The following CCDC88C variants were observed in gnomAD, a reference collection of about 807,000 sequenced individuals.
The protein encoded by CCDC88C is protein Daple.
In CCDC88C, 131 loss-of-function variants were observed where a neutral mutation model predicts 198.8. That is an observed-to-expected ratio of 0.66 (90% CI 0.57 to 0.76). The LOEUF (loss-of-function observed/expected upper bound fraction) is 0.76, where lower values mean the gene tolerates loss of function less well. Among genes scored for constraint, CCDC88C ranks in the 30% least tolerant of loss-of-function variants. The probability of loss-of-function intolerance (pLI) is 0.00; values close to 1 mark genes in which losing one functional copy is unlikely to be tolerated. For synonymous variants in CCDC88C, 1,166 were observed against 1,114.7 expected (o/e 1.05, Z -0.92); for missense variants, 2,553 against 2,631.6 (o/e 0.97, Z 0.65).
intron 10 of CCDC88C, among the ~76,000 whole-genome samples, chr14:91,327,558 G>A (rs763895822): frequency 2.1e-4 from 32 of 152,174 alleles, no homozygotes; most frequent in Admixed American, 6.5e-5. Context: ...TCAAAGCCAC[G>A]AACCTAGTGA....
Position 91,310,101 on chromosome 14 carries a change from T to C in CCDC88C, c.2737-115A>G, listed in dbSNP as rs539703112. The C allele has an allele frequency of 1.5e-4, 163 of 1,097,614 alleles. No individual in the cohort carries two copies. In the African/African-American group the frequency reaches 2.3e-3, roughly 16 times the overall value. 68.0% of individuals were successfully genotyped at this position (1,097,614 alleles called of 1,614,324 possible). On this transcript the variant is annotated intron_variant, in intron 15 of 29. Transcript: ENST00000389857. Reference sequence around the variant, plus strand: ...TCCTCCCGGGCCACGGCTGCCTCCGTGTGGAGCGAGGGGACTCTGAACCCC... The same window carrying C: ...TCCTCCCGGGCCACGGCTGCCTCCGCGTGGAGCGAGGGGACTCTGAACCCC...
intron 24 of CCDC88C, 77 bp from the exon 25 acceptor site, chr14:91,289,420 G>T: frequency 1.6e-6 from 2 of 1,277,146 alleles, no homozygotes; most frequent in Admixed American, 3.4e-5. Context: ...CCTAACATGG[G>T]CTGGGATGTT....
chr14:91,339,769 C>T lies in CCDC88C; in HGVS notation c.624+115G>A, dbSNP rs1009174731. ...CCAGGGAAAGCACGCACGTCCCACC[C>T]CCACCAGAACCTCAGCAGCAGGACC... is the stretch of plus-strand genomic sequence containing the variant. On this transcript the variant is annotated intron_variant, in intron 7 of 29. Transcript: ENST00000389857. The surrounding 1 kb of genome is among the most constrained non-coding windows in gnomAD (Gnocchi z 5.8). 7.1e-6 allele frequency: 9 copies of T among 1,275,044 alleles called. No homozygotes were observed. The highest frequency in any genetic ancestry group is 1.5e-5 in the African/African-American group (1 of 66,576). 79.0% of individuals were successfully genotyped at this position (1,275,044 alleles called of 1,614,324 possible).
At chr14:91,329,224 C>T (rs747955675) in intron 10 of CCDC88C, among the ~76,000 whole-genome samples, 4 of 152,238 alleles carry the variant, frequency 2.6e-5, no homozygotes, top group South Asian at 2.1e-4. Flanking sequence ...TTAAACCAAA[C>T]GGCAGGTCTG....
At chr14:91,316,166 C>G (rs1892086264) in intron 13 of CCDC88C, among the ~76,000 whole-genome samples, 1 of 152,174 alleles carries the variant, frequency 6.6e-6, no homozygotes, top group African/African-American at 2.4e-5. Context: ...TGTTATATCT[C>G]TTCCTCTTTC....
intron 12 of CCDC88C, among the ~76,000 whole-genome samples, 166 bp downstream of exon 12, chr14:91,324,613 T>G (rs547535547): frequency 6.6e-6 from 1 of 152,372 alleles, no homozygotes; most frequent in Non-Finnish European, 1.5e-5. Context: ...GTGTCTTCCC[T>G]GGGGAGAACT....
chr14:91,327,668 C>G (rs1892634778), intron 10 of CCDC88C, among the ~76,000 whole-genome samples: 1 of 152,196 alleles, frequency 6.6e-6, no homozygotes, highest in Non-Finnish European at 1.5e-5. Context: ...GGGTGAGAGG[C>G]CCCTGTTGTA....
rs1166332076 is a variant in CCDC88C, at chr14:91,273,016, A to G, written c.5696T>C (p.Leu1899Pro). The stretch of plus-strand genomic sequence containing the variant: ...GGCGGGGGCTGTGGCAGACTGATGC[A>G]GGGGGGCCAGCCTCTCCTCCTTTGG... ...APPKEERLAP[L>P]HQSATAPAIA... Residue 1899 changes from leucine to proline, a missense_variant, in exon 30 of 30, where the codon CTG becomes CCG. Around this residue, in one of 2 missense-constraint regions of CCDC88C, gnomAD observed 1,293 missense variants for 1,219.6 expected, o/e 1.06. Transcript: ENST00000389857. This position sits in a 1 kb window ranked among gnomAD's most constrained non-coding sequence, Gnocchi z 5.6. 1 of 1,553,786 alleles carries G rather than the reference A, an allele frequency of 6.4e-7. No individual in the cohort carries two copies. Among genetic ancestry groups the G allele is most frequent in the East Asian group, 2.4e-5 (1 of 41,954 alleles).
At chr14:91,398,265 C>T (rs1019066972) in intron 3 of CCDC88C, among the ~76,000 whole-genome samples, 5 of 152,216 alleles carry the variant, frequency 3.3e-5, no homozygotes, top group Admixed American at 2.6e-4. Flanking sequence ...CTTACAGAAA[C>T]CAAATCTGCC....
At chr14:91,378,170 T>C (rs911288399) in intron 3 of CCDC88C, among the ~76,000 whole-genome samples, 2 of 152,038 alleles carry the variant, frequency 1.3e-5, no homozygotes, top group African/African-American at 2.4e-5. Context: ...GTGACACAGA[T>C]AGGAAACAGT....
intron 1 of CCDC88C, chr14:91,417,154 C>CATCCATT (rs1887106499): frequency 1.4e-6 from 1 of 703,044 alleles, no homozygotes; most frequent in Admixed American, 2.0e-5. Context: ...TAAATCAGTG[C>CATCCATT]GCCCACCCCA....
chr14:91,343,717 T>C (rs1375680683), intron 4 of CCDC88C, 60 bp from the exon 5 acceptor site: 7 of 1,604,894 alleles, frequency 4.4e-6, no homozygotes, highest in Non-Finnish European at 6.0e-6. Context: ...TTCAGTGACA[T>C]GTTTACCGTA....
Position 91,288,769 on chromosome 14 carries a change from T to C in CCDC88C, c.4441+336A>G, listed in dbSNP as rs2139740877. 5.1e-6 allele frequency: 1 copy of C among 196,384 alleles called. No homozygotes were observed. Among genetic ancestry groups the C allele is most frequent in the East Asian group, 1.2e-4 (1 of 8,456 alleles). 12.2% of individuals were successfully genotyped at this position (196,384 alleles called of 1,614,324 possible). A position where few individuals can be genotyped will look rare whatever the true frequency, so the allele number is the denominator to read the frequency against. ...AATACAAAAAATTAGCCAGGCGTGG[T>C]GGTGGGCGCCTATAATCCCAGCTAC... On this transcript the variant is annotated intron_variant, in intron 25 of 29. Coordinates refer to ENST00000389857, the MANE Select transcript of CCDC88C (RefSeq NM_001080414.4). This position sits in a 1 kb window ranked among gnomAD's most constrained non-coding sequence, Gnocchi z 4.2.
chr14:91,312,642 GCAA>G (rs1359695300), intron 15 of CCDC88C, among the ~76,000 whole-genome samples: 1 of 152,000 alleles, frequency 6.6e-6, no homozygotes, highest in East Asian at 1.9e-4. Context: ...CCGAGATCAC[GCAA>G]CAACACTCCA....
Position 91,275,884 on chromosome 14 carries a change from C to T in CCDC88C, c.5058+2038G>A, listed in dbSNP as rs1438825922. The stretch of plus-strand genomic sequence containing the variant: ...TCGCCCAGGCTGGAGTGCAGTGGCG[C>T]GATCTCGACTCACTGCAAGCTCCGC... On this transcript the variant is annotated intron_variant, in intron 29 of 29. Transcript: ENST00000389857. Among the ~76,000 whole-genome samples, 5 of 137,162 alleles carry T rather than the reference C, an allele frequency of 3.6e-5. No individual in the cohort carries two copies. In the East Asian group the frequency reaches 6.5e-4, roughly 18 times the overall value. 90.0% of individuals were successfully genotyped at this position (137,162 alleles called of 152,430 possible).
At chr14:91,380,295 G>A (rs761829525) in intron 3 of CCDC88C, among the ~76,000 whole-genome samples, 9 of 152,216 alleles carry the variant, frequency 5.9e-5, no homozygotes, top group East Asian at 1.9e-4. Context: ...AAGCACACCA[G>A]TGTTCAGCTA....
At chr14:91,380,071 G>C (rs571379461) in intron 3 of CCDC88C, among the ~76,000 whole-genome samples, 1 of 152,116 alleles carries the variant, frequency 6.6e-6, no homozygotes, top group East Asian at 1.9e-4. Flanking sequence ...TCCGGAGCAG[G>C]GTCCTGAGAC....
chr14:91,273,577 T>A lies in CCDC88C; in HGVS notation c.5135A>T (p.Gln1712Leu). 6.7e-7 allele frequency: 1 copy of A among 1,498,000 alleles called. No homozygotes were observed. The highest frequency in any genetic ancestry group is 8.9e-7 in the Non-Finnish European group (1 of 1,122,616). The allele number at this position is 1,498,000 out of a possible 1,614,324, so 92.8% of individuals were successfully genotyped here. Residue 1712 changes from glutamine to leucine, a missense_variant, in exon 30 of 30, where the codon CAA (glutamine) becomes CTA (leucine). Physicochemically the swap from Gln to Leu is moderately radical, Grantham distance 113 (BLOSUM62 -2). Coordinates refer to ENST00000389857, the MANE Select transcript of CCDC88C (RefSeq NM_001080414.4). The surrounding 1 kb of genome is among the most constrained non-coding windows in gnomAD (Gnocchi z 5.6). ...TTCTTTCTTGGCAGGTGGTCCTGGTTGGCCTCCGATGGCTGGGGGATCGCT... is the reference window on the plus strand; with the variant it reads ...TTCTTTCTTGGCAGGTGGTCCTGGTAGGCCTCCGATGGCTGGGGGATCGCT... ...KASDPPAIGGQPGPPAKKEGA... is the reference protein window; with the variant it reads ...KASDPPAIGGLPGPPAKKEGA...
intron 14 of CCDC88C, among the ~76,000 whole-genome samples, chr14:91,314,783 T>C (rs1311327117): frequency 1.3e-5 from 2 of 152,222 alleles, no homozygotes; most frequent in African/African-American, 4.8e-5. Flanking sequence ...CTGTTTACCA[T>C]GCACCATTCT....
Sources: allele counts gnomAD v4.1 joint callset (sites outside exome capture counted in the v4.1 genomes callset), GRCh38; gene constraint gnomAD v4.1.1; regional missense constraint gnomAD v4.1.1; non-coding constraint Gnocchi (gnomAD v3.1); transcripts MANE v1.5; gene names NCBI Gene and HGNC (gene_info 2026-07-23, HGNC 2026-07-21).